PAX7: variants seen among roughly 807,000 people sequenced by gnomAD.
PAX7 encodes paired box 7.
Under a neutral mutation model 50.7 loss-of-function variants are expected in PAX7, and 18 were observed. The ratio of observed to expected loss-of-function variants is 0.36; its 90% CI spans 0.25 to 0.53. The LOEUF (loss-of-function observed/expected upper bound fraction) is 0.53. PAX7 is among the 20% of genes least tolerant of loss of function. The pLI is 0.93. For synonymous variants in PAX7, 310 were observed against 290.4 expected, an observed-to-expected ratio of 1.07 and a Z score of -0.69; for missense variants, 644 against 702.9, an observed-to-expected ratio of 0.92 and a Z score of 0.95.
In PAX7 at chr1:18,636,133, TA is replaced by T; in HGVS notation, c.452-102del. On this transcript the variant is annotated intron_variant, in intron 3 of 8. Transcript: ENST00000420770. The surrounding 1 kb of genome is among the most constrained non-coding windows in gnomAD (Gnocchi z 5.1). ...TGGAAGAGGGATGAATGGATATCTGTAAGGAAGCAGGGGGCTTCCTGACTTT... is the reference window on the plus strand; with the variant it reads ...TGGAAGAGGGATGAATGGATATCTGTAGGAAGCAGGGGGCTTCCTGACTTT... The T allele has an allele frequency of 8.4e-7, 1 of 1,196,192 alleles. No homozygotes were observed. The highest frequency in any genetic ancestry group is 1.2e-6 in the Non-Finnish European group (1 of 830,582). The allele number at this position is 1,196,192 out of a possible 1,614,324, so 74.1% of individuals were successfully genotyped here.
In PAX7 at chr1:18,691,920, G is replaced by C. The variant is rs765519857; in HGVS notation, c.753G>C (p.Ala251=). 6.2e-7 allele frequency: 1 copy of C among 1,613,964 alleles called. No homozygotes were observed. The highest frequency in any genetic ancestry group is 1.1e-5 in the South Asian group (1 of 91,034). The change falls in exon 5 of 9, where the codon GCG becomes GCC. Residue 251 remains alanine, a synonymous_variant. Coordinates refer to ENST00000420770, the MANE Select transcript of PAX7 (RefSeq NM_001135254.2). ...YPDIYTREEL[A]QRTKLTEARV... ...ACATATACACCCGCGAGGAGCTGGC[G>C]CAGAGGACCAAGCTGACAGAGGCGC... is the stretch of plus-strand genomic sequence containing the variant.
At position 18,660,032 on chromosome 1, in the gene PAX7, A is replaced by G. The variant is rs1309691786; in HGVS notation, c.586+23661A>G. 3.3e-5 allele frequency among the ~76,000 whole-genome samples: 5 copies of G among 152,276 alleles called. No individual in the cohort carries two copies. In the South Asian group the frequency reaches 1.0e-3, roughly 32 times the overall value. Reference sequence around the variant, plus strand: ...GGTTGAGGGGAAGCATGGATGTAGGAGGTCGGAATTCGTCCACGTTTGTGG... The same window carrying G: ...GGTTGAGGGGAAGCATGGATGTAGGGGGTCGGAATTCGTCCACGTTTGTGG... On this transcript the variant is annotated intron_variant, in intron 4 of 8. Coordinates refer to ENST00000420770, the MANE Select transcript of PAX7 (RefSeq NM_001135254.2).
chr1:18,736,852 C>T (rs918339516), intron 8 of PAX7, among the ~76,000 whole-genome samples: 5 of 152,222 alleles, frequency 3.3e-5, no homozygotes, highest in Non-Finnish European at 2.9e-5. Flanking sequence ...TTCTGTTTCC[C>T]AGTCGCACTA....
Position 18,636,477 on chromosome 1 carries a change from A to G in PAX7, c.586+106A>G, listed in dbSNP as rs557228815. On this transcript the variant is annotated intron_variant, in intron 4 of 8. Transcript: ENST00000420770. The surrounding 1 kb of genome is among the most constrained non-coding windows in gnomAD (Gnocchi z 5.1). ...CGCCGGAGCAGGCGACCAGAACTCC[A>G]GCGGAGAAACTCTCATGCTGCGGGG... is the stretch of plus-strand genomic sequence containing the variant. 4.0e-5 allele frequency: 55 copies of G among 1,382,936 alleles called. No homozygotes were observed. Among genetic ancestry groups the G allele is most frequent in the Non-Finnish European group, 5.1e-5 (52 of 1,009,920 alleles). 85.7% of individuals were successfully genotyped at this position (1,382,936 alleles called of 1,614,324 possible).
chr1:18,690,276 G>T (rs1049552449), intron 4 of PAX7, among the ~76,000 whole-genome samples: 6 of 152,218 alleles, frequency 3.9e-5, no homozygotes, highest in African/African-American at 9.6e-5. Flanking sequence ...AGAAAGAAAT[G>T]AAGGCAAAAG....
At chr1:18,641,077 G>T (rs1429075583) in intron 4 of PAX7, among the ~76,000 whole-genome samples, 2 of 152,268 alleles carry the variant, frequency 1.3e-5, no homozygotes, top group African/African-American at 4.8e-5. Context: ...AAACACTGGC[G>T]CTCGCGCGCT....
intron 4 of PAX7, among the ~76,000 whole-genome samples, chr1:18,673,964 G>C (rs1380582376): frequency 6.6e-6 from 1 of 152,216 alleles, no homozygotes; most frequent in African/African-American, 2.4e-5. Flanking sequence ...TCCAGCGTGG[G>C]GCCAGGTGTC....
chr1:18,654,690 T>C (rs1290959349), intron 4 of PAX7, among the ~76,000 whole-genome samples: 5 of 152,166 alleles, frequency 3.3e-5, no homozygotes, highest in Admixed American at 6.5e-5. Flanking sequence ...TCACGTCCAG[T>C]TGGGAGGGAG....
intron 4 of PAX7, among the ~76,000 whole-genome samples, chr1:18,673,458 A>G (rs1218145462): frequency 6.6e-6 from 1 of 152,198 alleles, no homozygotes; most frequent in Non-Finnish European, 1.5e-5. Context: ...GTGTGTTTTC[A>G]GATTGTACCA....
At position 18,684,488 on chromosome 1, in the gene PAX7, C is replaced by CT. The variant is rs2088945492; in HGVS notation, c.587-7265dup. On this transcript the variant is annotated intron_variant, in intron 4 of 8. Transcript: ENST00000420770. ...CGCCCTGTCCTTGTGTGCAATCTGA[C>CT]TCCCGCAGCCACGCCCGAGCCCCGT... 2.0e-5 allele frequency among the ~76,000 whole-genome samples: 3 copies of CT among 152,340 alleles called. No individual in the cohort carries two copies. In the South Asian group the frequency reaches 6.2e-4, roughly 32 times the overall value.
At chr1:18,668,318 T>G (rs576568089) in intron 4 of PAX7, among the ~76,000 whole-genome samples, 8 of 152,270 alleles carry the variant, frequency 5.3e-5, no homozygotes, top group Admixed American at 2.6e-4. Context: ...CAGGATCATC[T>G]CACAGAGCTG....
chr1:18,714,418 T>C (rs2089392896), intron 7 of PAX7, among the ~76,000 whole-genome samples: 1 of 152,144 alleles, frequency 6.6e-6, no homozygotes, highest in African/African-American at 2.4e-5. Flanking sequence ...ACCCGGCATC[T>C]AGTAAGAGCT....
intron 7 of PAX7, among the ~76,000 whole-genome samples, chr1:18,723,216 C>T (rs941122526): frequency 3.4e-4 from 52 of 152,238 alleles, no homozygotes; most frequent in African/African-American, 1.2e-3. Context: ...TTCAAACACC[C>T]GGGATAATAG....
rs1391371989 is a variant in PAX7, at chr1:18,700,095, T to TGC, written c.787-557_787-556insCG. ...ATAAATCCGTGTGTGTGTGTGTGTG[T>TGC]GTGTGTGTGTGTGTGTGTGTGTTTC... is the stretch of plus-strand genomic sequence containing the variant. On this transcript the variant is annotated intron_variant, in intron 5 of 8. Coordinates refer to ENST00000420770, the MANE Select transcript of PAX7 (RefSeq NM_001135254.2). This position sits in a 1 kb window ranked among gnomAD's most constrained non-coding sequence, Gnocchi z 4.8. Among the ~76,000 whole-genome samples the TGC allele has an allele frequency of 6.6e-6, 1 of 151,758 alleles. No homozygotes were observed. Among genetic ancestry groups the TGC allele is most frequent in the Admixed American group, 6.6e-5 (1 of 15,228 alleles).
chr1:18,672,617 T>G (rs959913003), intron 4 of PAX7, among the ~76,000 whole-genome samples: 19 of 147,802 alleles, frequency 1.3e-4, no homozygotes, highest in Non-Finnish European at 7.4e-5. Context: ...TTTTTTTTTT[T>G]GTGAGACTAA....
At chr1:18,652,043 C>T (rs2088440373) in intron 4 of PAX7, among the ~76,000 whole-genome samples, 1 of 152,028 alleles carries the variant, frequency 6.6e-6, no homozygotes, top group East Asian at 1.9e-4. Context: ...TCAGGTAAAC[C>T]CATCAAGGCT....
At chr1:18,742,155 T>C (rs397834523) in intron 8 of PAX7, among the ~76,000 whole-genome samples, 44,124 of 128,168 alleles carry the variant, frequency 0.34, 8,061 homozygotes, top group Middle Eastern at 0.51. Context: ...CTTCTTTTTT[T>C]TTTTTTTTTT....
chr1:18,651,226 A>G (rs557033397), intron 4 of PAX7, among the ~76,000 whole-genome samples: 1 of 152,210 alleles, frequency 6.6e-6, no homozygotes, highest in African/African-American at 2.4e-5. Flanking sequence ...GAGATGAAAG[A>G]CCTGAAAGTG....
chr1:18,711,744 C>T lies in PAX7; in HGVS notation c.1155+8448C>T, dbSNP rs370400706. Among the ~76,000 whole-genome samples, 931 of 152,224 alleles carry T rather than the reference C, an allele frequency of 6.1e-3. 10 individuals carry two copies. Among genetic ancestry groups the T allele is most frequent in the African/African-American group, 0.021 (876 of 41,538 alleles). On this transcript the variant is annotated intron_variant, in intron 7 of 8. Coordinates refer to ENST00000420770, the MANE Select transcript of PAX7 (RefSeq NM_001135254.2). ...TGAGTCATCCCCCCACCCTCCAACA[C>T]ACATCCCCACACCCCTGTTTCTCTT...
Sources: gnomAD v4.1 joint callset for allele counts (sites outside exome capture counted in the v4.1 genomes callset) on GRCh38, gnomAD v4.1.1 for gene constraint, Gnocchi (gnomAD v3.1) non-coding constraint, MANE v1.5 for transcripts, NCBI Gene and HGNC (gene_info 2026-07-23, HGNC 2026-07-21) for gene names.